The following ROS1 variants were observed in gnomAD, a reference collection of about 807,000 sequenced individuals.
ROS1 encodes proto-oncogene tyrosine-protein kinase ROS.
Under a neutral mutation model 273.5 loss-of-function variants are expected in ROS1, and 263 were observed. That is an observed-to-expected ratio of 0.96 (90% CI 0.87 to 1.06). The LOEUF is 1.06. Among genes scored for constraint, ROS1 ranks in the 50% least tolerant of loss-of-function variants. ROS1 has a pLI of 0.00. For missense variants in ROS1, 2,833 were observed against 2,751.1 expected (o/e 1.03, Z -0.67); for synonymous variants, 1,008 against 954.1 (o/e 1.06, Z -1.04).
rs563025497 is a variant in ROS1 at position 117,362,166 on chromosome 6, T to C, written c.3366+437A>G. On this transcript the variant is annotated intron_variant, in intron 22 of 43. Transcript: ENST00000368507. ...CTCTGAATTTGCAAAGTTCCCTGAATGTGAGAAAGTTGTGAAAGTGTCCTT... is the reference window on the plus strand; with the variant it reads ...CTCTGAATTTGCAAAGTTCCCTGAACGTGAGAAAGTTGTGAAAGTGTCCTT... Among the ~76,000 whole-genome samples the C allele has an allele frequency of 7.2e-5, 11 of 152,230 alleles. No homozygotes were observed. In the South Asian group the frequency reaches 2.3e-3, roughly 32 times the overall value.
chr6:117,356,065 G>A (rs1779282007), intron 26 of ROS1, among the ~76,000 whole-genome samples: 1 of 152,058 alleles, frequency 6.6e-6, no homozygotes, highest in African/African-American at 2.4e-5. Context: ...AATTGTACTC[G>A]ACTTTCGAAT....
At position 117,408,510 on chromosome 6, in the gene ROS1, T is replaced by C. The variant is rs533531999; in HGVS notation, c.316+1072A>G. Among the ~76,000 whole-genome samples, 3 of 152,188 alleles carry C rather than the reference T, an allele frequency of 2.0e-5. No homozygotes were observed. The South Asian group carries it at 6.2e-4, about 32-fold the overall frequency. ...AGAGAAATGCAAATCAAAACCACAA[T>C]GAGATACCATCTCACACCAGTTAGA... On this transcript the variant is annotated intron_variant, in intron 5 of 43. Transcript: ENST00000368507.
rs1320831092 is a variant in ROS1 at position 117,360,416 on chromosome 6, G to T, written c.3367-11C>A. ...TGTAAAGGCCCTAACCTAAAGAAAA[G>T]GAAACAAAAATTGCATTCAGTAGTG... On this transcript the variant is annotated splice_polypyrimidine_tract_variant and intron_variant, in intron 22 of 43. Transcript: ENST00000368507. 6.2e-7 allele frequency: 1 copy of T among 1,608,428 alleles called. No homozygotes were observed. The highest frequency in any genetic ancestry group is 8.5e-7 in the Non-Finnish European group (1 of 1,176,654).
chr6:117,309,984 T>C (rs1775411112), intron 41 of ROS1, 97 bp downstream of exon 41: 1 of 1,071,188 alleles, frequency 9.3e-7, no homozygotes, highest in African/African-American at 1.6e-5. Flanking sequence ...GGTCTTCTGT[T>C]TTCTCACATT....
At chr6:117,342,648 A>T (rs1217385690) in intron 28 of ROS1, 104 bp from the exon 29 acceptor site, 2 of 752,778 alleles carry the variant, frequency 2.7e-6, no homozygotes, top group African/African-American at 1.8e-5. Context: ...GCTCAAAAAA[A>T]TTAATTTATT....
At chr6:117,308,987 A>C (rs2128546639) in intron 41 of ROS1, 59 bp from the exon 42 acceptor site, 1 of 1,537,776 alleles carries the variant, frequency 6.5e-7, no homozygotes, top group East Asian at 2.3e-5. Flanking sequence ...GGTTTACAGT[A>C]GTTTCTCCAA....
At chr6:117,360,298 A>ACACACG (rs1457131040) in intron 23 of ROS1, 44 bp downstream of exon 23, 6 of 1,465,588 alleles carry the variant, frequency 4.1e-6, no homozygotes, top group Non-Finnish European at 5.7e-6. Context: ...ACACACACAC[A>ACACACG]CGCCTCTAAA....
chr6:117,299,506 A>G (rs1317466065), intron 43 of ROS1: 1 of 152,222 alleles, frequency 6.6e-6, no homozygotes, highest in Admixed American at 6.5e-5. Context: ...GTTGAAGAGT[A>G]TGACCTTCCC....
In ROS1 at chr6:117,310,154, C is replaced by T. The variant is rs1305422933; in HGVS notation, c.6343G>A (p.Gly2115Ser). 1 of 1,612,400 alleles carries T rather than the reference C, an allele frequency of 6.2e-7. No homozygotes were observed. The highest frequency in any genetic ancestry group is 1.1e-5 in the South Asian group (1 of 91,054). The stretch of plus-strand genomic sequence containing the variant: ...GCCATCCACCGAACTGGGAGCAGGC[C>T]TTCCCCTCTCTTTCTATAGTAATCA... ...KNDYYRKRGE[G>S]LLPVRWMAPE... is the part of the protein sequence containing the mutation. The change falls in exon 41 of 44, where the codon GGC becomes AGC. Residue 2115 changes from glycine (G) to serine (S), a missense_variant. Gly to Ser is a moderately conservative substitution (Grantham distance 56, BLOSUM62 0). Coordinates refer to ENST00000368507, the MANE Select transcript of ROS1 (RefSeq NM_001378902.1).
At chr6:117,419,491 A>G (rs1313945172) in intron 1 of ROS1, among the ~76,000 whole-genome samples, 1 of 152,204 alleles carries the variant, frequency 6.6e-6, no homozygotes, top group African/African-American at 2.4e-5. Flanking sequence ...ATTTGTAGGA[A>G]AAGAAGAAGG....
chr6:117,381,231 A>G (rs1019469811), intron 17 of ROS1, among the ~76,000 whole-genome samples: 2 of 144,878 alleles, frequency 1.4e-5, no homozygotes, highest in Non-Finnish European at 3.0e-5. Flanking sequence ...TTTATTATAT[A>G]TATATTTTTA....
chr6:117,361,503 G>C (rs1225556858), intron 22 of ROS1, among the ~76,000 whole-genome samples: 1 of 148,388 alleles, frequency 6.7e-6, no homozygotes, highest in Admixed American at 6.8e-5. Context: ...ATATCACTTT[G>C]CATGGTTCCA....
In ROS1 at chr6:117,301,122, G is replaced by A. The variant is rs1199635760; in HGVS notation, c.6567C>T (p.Thr2189=). 6.3e-7 allele frequency: 1 copy of A among 1,585,970 alleles called. No homozygotes were observed. Residue 2189 remains threonine, a synonymous_variant, in exon 43 of 44, where the codon ACC becomes ACT. Transcript: ENST00000368507. ...GGTCGGGTTCTTGAGCCCAGCACTG[G>A]GTCATTAAATTCCACCTAAATATAT... ...NCPDDLWNLM[T]QCWAQEPDQR...
intron 35 of ROS1, 102 bp downstream of exon 35, chr6:117,324,230 G>A (rs1776478744): frequency 7.5e-6 from 5 of 663,852 alleles, no homozygotes; most frequent in Non-Finnish European, 1.3e-5. Flanking sequence ...ACTTAATCAG[G>A]CAATATTTCA....
Position 117,361,139 on chromosome 6 carries a change from G to A in ROS1, c.3367-734C>T, listed in dbSNP as rs536150483. Among the ~76,000 whole-genome samples, 8 of 152,146 alleles carry A rather than the reference G, an allele frequency of 5.3e-5. No homozygotes were observed. The South Asian group carries it at 1.5e-3, about 28-fold the overall frequency. On this transcript the variant is annotated intron_variant, in intron 22 of 43. Coordinates refer to ENST00000368507, the MANE Select transcript of ROS1 (RefSeq NM_001378902.1). ...AACTGGCATCAGAACCAAGTCTTCT[G>A]AGGTCTACATACATTTTTTCCCATT...
chr6:117,409,507 T>G (rs1465418155), intron 5 of ROS1, 75 bp downstream of exon 5: 1 of 1,015,704 alleles, frequency 9.8e-7, no homozygotes, highest in Non-Finnish European at 1.6e-6. Context: ...TGAGAGGTGT[T>G]TCGTTATCTT....
intron 28 of ROS1, among the ~76,000 whole-genome samples, chr6:117,343,741 C>A (rs1338865630): frequency 6.6e-6 from 1 of 152,108 alleles, no homozygotes; most frequent in African/African-American, 2.4e-5. Flanking sequence ...CCATAGGCTG[C>A]AAAAATAATT....
In ROS1 at chr6:117,288,183, G is replaced by T. The variant is rs1219365897; in HGVS notation, c.*309C>A. On this transcript the variant is annotated 3_prime_UTR_variant, in exon 44 of 44. Transcript: ENST00000368507. ...TTTATTACAGCCCAAACTGAAAGGT[G>T]GGTAAGAGCCTAAAGCACCTCAAGG... The T allele has an allele frequency of 2.7e-6, 1 of 367,120 alleles. No individual in the cohort carries two copies. Among genetic ancestry groups the T allele is most frequent in the Non-Finnish European group, 4.9e-6 (1 of 204,116 alleles). The allele number at this position is 367,120 out of a possible 1,614,324, so 22.7% of individuals were successfully genotyped here.
At chr6:117,291,600 T>C (rs1427237070) in intron 43 of ROS1, among the ~76,000 whole-genome samples, 1 of 152,214 alleles carries the variant, frequency 6.6e-6, no homozygotes, top group Non-Finnish European at 1.5e-5. Flanking sequence ...AGTATGATTA[T>C]GAGCAAGTCA....
Sources: allele counts gnomAD v4.1 joint callset (sites outside exome capture counted in the v4.1 genomes callset), GRCh38; gene constraint gnomAD v4.1.1; transcripts MANE v1.5; gene names NCBI Gene and HGNC (gene_info 2026-07-23, HGNC 2026-07-21).